GAD2: variants seen among roughly 807,000 people sequenced by gnomAD.
GAD2 encodes 65 kDa glutamic acid decarboxylase.
In GAD2, 22 loss-of-function variants were observed where a neutral mutation model predicts 80.1. The observed-to-expected ratio is 0.27, with a 90% CI of 0.20 to 0.39. GAD2 has a LOEUF of 0.39. GAD2 is among the 10% of genes least tolerant of loss of function. The pLI is 1.00. For synonymous variants in GAD2, 274 were observed against 256.9 expected (o/e 1.07, Z -0.64); for missense variants, 624 against 738.4 (o/e 0.85, Z 1.80).
At chr10:26,246,124 AG>A (rs1844806295) in intron 8 of GAD2, 124 bp downstream of exon 8, 1 of 690,924 alleles carries the variant, frequency 1.4e-6, no homozygotes, top group Middle Eastern at 2.5e-4. Context: ...CAGCCTCTGC[AG>A]CCTTCGTTTC....
chr10:26,285,366 G>T (rs538858820), intron 12 of GAD2, among the ~76,000 whole-genome samples: 136 of 152,268 alleles, frequency 8.9e-4, no homozygotes, highest in Admixed American at 2.5e-3. Context: ...CTTTAGTCTT[G>T]TCTTCTTTTG....
rs1319908399 is a variant in GAD2 at position 26,304,165 on chromosome 10, C to G, written c.*3204C>G. On this transcript the variant is annotated 3_prime_UTR_variant, in exon 16 of 16. Transcript: ENST00000376261. Reference sequence around the variant, plus strand: ...CCAATTATGGAGTGTCACCAGCTGCCAAAATCGTAGGTGTTGGCTCTGCTG... The same window carrying G: ...CCAATTATGGAGTGTCACCAGCTGCGAAAATCGTAGGTGTTGGCTCTGCTG... 2 of 152,528 alleles carry G rather than the reference C, an allele frequency of 1.3e-5. No homozygotes were observed. Among genetic ancestry groups the G allele is most frequent in the Admixed American group, 6.5e-5 (1 of 15,270 alleles). The allele number at this position is 152,528 out of a possible 1,614,324, so 9.4% of individuals were successfully genotyped here.
chr10:26,286,538 C>G (rs1386846417), intron 13 of GAD2, 44 bp downstream of exon 13: 1 of 1,545,838 alleles, frequency 6.5e-7, no homozygotes, highest in African/African-American at 1.4e-5. Flanking sequence ...AAAACAGAAC[C>G]TTTATCTGGT....
In GAD2 at chr10:26,303,444, AAGGGAGGGAGGG is replaced by A. The variant is rs148123865; in HGVS notation, c.*2497_*2508del. ...TCAGGTCAGAAGAGAGTAAGGGAGG[AAGGGAGGGAGGG>A]AGGGAGGGAGGGAAGGAGGGAGGGA... On this transcript the variant is annotated 3_prime_UTR_variant, in exon 16 of 16. Coordinates refer to ENST00000376261, the MANE Select transcript of GAD2 (RefSeq NM_001134366.2). 4 of 59,982 alleles carry A rather than the reference AAGGGAGGGAGGG, an allele frequency of 6.7e-5. No homozygotes were observed. The highest frequency in any genetic ancestry group is 1.1e-4 in the Non-Finnish European group (4 of 36,498). The allele number at this position is 59,982 out of a possible 1,614,324, so 3.7% of individuals were successfully genotyped here.
upstream of GAD2, chr10:26,216,631 G>A (rs1844374314): frequency 6.3e-6 from 3 of 475,844 alleles, no homozygotes; most frequent in Non-Finnish European, 1.1e-5. This position sits in a 1 kb window ranked among gnomAD's most constrained non-coding sequence, Gnocchi z 4.7. Flanking sequence ...ATACACACAC[G>A]CACAGACACG....
intron 8 of GAD2, among the ~76,000 whole-genome samples, chr10:26,252,245 A>G (rs1844888417): frequency 6.6e-6 from 1 of 152,204 alleles, no homozygotes; most frequent in South Asian, 2.1e-4. Flanking sequence ...AAGGTTCACA[A>G]CTGAGAAGAA....
chr10:26,251,493 A>G (rs1284214651), intron 8 of GAD2, among the ~76,000 whole-genome samples: 1 of 152,228 alleles, frequency 6.6e-6, no homozygotes, highest in Non-Finnish European at 1.5e-5. Flanking sequence ...TGTGTTGACA[A>G]ATGTAAAATG....
chr10:26,246,109 C>A, intron 8 of GAD2, 109 bp downstream of exon 8: 1 of 762,794 alleles, frequency 1.3e-6, no homozygotes, highest in Non-Finnish European at 2.2e-6. Context: ...AGTCCACCTC[C>A]CTCCCAGCCT....
At chr10:26,259,033 G>T (rs1282756617) in intron 8 of GAD2, among the ~76,000 whole-genome samples, 1 of 152,050 alleles carries the variant, frequency 6.6e-6, no homozygotes, top group African/African-American at 2.4e-5. Context: ...GGTCAGGCTG[G>T]TCTCAAACCC....
intron 8 of GAD2, among the ~76,000 whole-genome samples, chr10:26,261,975 C>A (rs905521625): frequency 2.6e-5 from 4 of 152,090 alleles, no homozygotes; most frequent in Non-Finnish European, 5.9e-5. Context: ...TGATGCAATG[C>A]GAATCTTGAA....
intron 7 of GAD2, among the ~76,000 whole-genome samples, chr10:26,242,129 G>A (rs1268781557): frequency 6.6e-6 from 1 of 152,068 alleles, no homozygotes; most frequent in Non-Finnish European, 1.5e-5. Flanking sequence ...GGGACTACAG[G>A]CACCCGCCAC....
At chr10:26,247,583 T>C (rs1844824380) in intron 8 of GAD2, among the ~76,000 whole-genome samples, 1 of 151,868 alleles carries the variant, frequency 6.6e-6, no homozygotes, top group Non-Finnish European at 1.5e-5. Flanking sequence ...ATACGGTGGC[T>C]CACGTGGAAT....
In GAD2 at chr10:26,292,462, T is replaced by C. The variant is rs1834226906; in HGVS notation, c.1387-3T>C. On this transcript the variant is annotated splice_polypyrimidine_tract_variant and splice_region_variant and intron_variant, in intron 13 of 15. Coordinates refer to ENST00000376261, the MANE Select transcript of GAD2 (RefSeq NM_001134366.2). Reference sequence around the variant, plus strand: ...TAATGAGCTGTGTCCTTCTCTTACCTAGGGGACTACCGGGTTTGAAGCGCA... The same window carrying C: ...TAATGAGCTGTGTCCTTCTCTTACCCAGGGGACTACCGGGTTTGAAGCGCA... 1.2e-6 allele frequency: 2 copies of C among 1,611,600 alleles called. No homozygotes were observed. The highest frequency in any genetic ancestry group is 1.7e-6 in the Non-Finnish European group (2 of 1,177,770).
At chr10:26,251,021 A>C (rs1397908566) in intron 8 of GAD2, among the ~76,000 whole-genome samples, 5 of 149,372 alleles carry the variant, frequency 3.3e-5, no homozygotes, top group African/African-American at 1.2e-4. Context: ...CTGGGACTAC[A>C]GGCGTCCACC....
At position 26,218,000 on chromosome 10, in the gene GAD2, T is replaced by C; in HGVS notation, c.286+9T>C. 1 of 1,591,600 alleles carries C rather than the reference T, an allele frequency of 6.3e-7. No individual in the cohort carries two copies. Among genetic ancestry groups the C allele is most frequent in the South Asian group, 1.1e-5 (1 of 88,726 alleles). On this transcript the variant is annotated intron_variant, in intron 3 of 15. Coordinates refer to ENST00000376261, the MANE Select transcript of GAD2 (RefSeq NM_001134366.2). The surrounding 1 kb of genome is among the most constrained non-coding windows in gnomAD (Gnocchi z 4.9). ...GTTTCTCCATGCAACAGGTAAAGAC[T>C]CAGCGGGGAGCCCCGGGGCGCCCCT...
chr10:26,223,901 T>A lies in GAD2; in HGVS notation c.535T>A (p.Phe179Ile). Residue 179 changes from phenylalanine (F) to isoleucine (I), a missense_variant, in exon 5 of 16, where the codon TTC (phenylalanine) becomes ATC (isoleucine). Phe to Ile is a conservative substitution (Grantham distance 21). Coordinates refer to ENST00000376261, the MANE Select transcript of GAD2 (RefSeq NM_001134366.2). ...ATTTTATTCAGGGCATCCTAGATAC[T>A]TCAATCAACTTTCTACTGGTTTGGA... ...YAIKTGHPRYFNQLSTGLDMV... is the reference protein window; with the variant it reads ...YAIKTGHPRYINQLSTGLDMV... 1 of 1,608,394 alleles carries A rather than the reference T, an allele frequency of 6.2e-7. No individual in the cohort carries two copies.
At chr10:26,224,041 A>C in intron 5 of GAD2, 64 bp downstream of exon 5, 1 of 1,158,682 alleles carries the variant, frequency 8.6e-7, no homozygotes, top group Non-Finnish European at 1.3e-6. Context: ...CATAGTCTTT[A>C]CATCTTATGT....
rs1263842994 is a variant in GAD2, at chr10:26,217,829, T to C, written c.137-13T>C. 2.5e-6 allele frequency: 4 copies of C among 1,596,248 alleles called. No individual in the cohort carries two copies. Among genetic ancestry groups the C allele is most frequent in the Non-Finnish European group, 3.4e-6 (4 of 1,170,752 alleles). ...GAGGATTGACGAGGCCCGCGTTCGG[T>C]GTCCTTACCCAGCCCTGCTCTACGG... On this transcript the variant is annotated splice_polypyrimidine_tract_variant and intron_variant, in intron 2 of 15. Coordinates refer to ENST00000376261, the MANE Select transcript of GAD2 (RefSeq NM_001134366.2). This position sits in a 1 kb window ranked among gnomAD's most constrained non-coding sequence, Gnocchi z 4.9.
chr10:26,294,933 AT>A (rs1834256691), intron 15 of GAD2, among the ~76,000 whole-genome samples: 1 of 152,220 alleles, frequency 6.6e-6, no homozygotes, highest in Non-Finnish European at 1.5e-5. Context: ...TAGAAATTAG[AT>A]GCCTCCATTC....
Sources: gnomAD v4.1 joint callset for allele counts (sites outside exome capture counted in the v4.1 genomes callset) on GRCh38, gnomAD v4.1.1 for gene constraint, Gnocchi (gnomAD v3.1) non-coding constraint, MANE v1.5 for transcripts, NCBI Gene and HGNC (gene_info 2026-07-23, HGNC 2026-07-21) for gene names.